Variants in TGS1 observed in about 807,000 individuals in gnomAD.
The protein encoded by TGS1 is trimethylguanosine synthase 1.
A neutral mutation model predicts 92.2 loss-of-function variants in TGS1; 69 were observed. The ratio of observed to expected loss-of-function variants is 0.75; its 90% CI spans 0.62 to 0.91. The LOEUF is 0.91. TGS1 is among the 40% of genes least tolerant of loss of function. The probability of loss-of-function intolerance (pLI) is 0.00; values close to 1 mark genes in which losing one functional copy is unlikely to be tolerated. For missense variants in TGS1, 1,062 were observed against 1,001.2 expected, an observed-to-expected ratio of 1.06 and a Z score of -0.82; for synonymous variants, 345 against 338.1, an observed-to-expected ratio of 1.02 and a Z score of -0.22.
chr8:55,795,949 T>C, intron 6 of TGS1, 29 bp from the exon 7 acceptor site: 1 of 1,555,870 alleles, frequency 6.4e-7, no homozygotes, highest in Non-Finnish European at 8.8e-7. Context: ...GAATTTAAGT[T>C]GTGAATAACT....
chr8:55,780,222 T>C (rs1585753920), intron 1 of TGS1, among the ~76,000 whole-genome samples: 1 of 148,186 alleles, frequency 6.7e-6, no homozygotes, highest in Non-Finnish European at 1.5e-5. Context: ...GAGGCTGGAG[T>C]GCAGTAGTAT....
chr8:55,806,356 CAAAAAAAAA>C (rs1047234489), intron 10 of TGS1, among the ~76,000 whole-genome samples: 1 of 38,994 alleles, frequency 2.6e-5, no homozygotes, highest in African/African-American at 8.7e-5. Flanking sequence ...GACTCCACCT[CAAAAAAAAA>C]AAAAAAAAAA....
intron 4 of TGS1, among the ~76,000 whole-genome samples, chr8:55,788,617 A>G (rs1182004805): frequency 1.3e-5 from 2 of 151,794 alleles, no homozygotes; most frequent in Non-Finnish European, 2.9e-5. Context: ...CACCACATAC[A>G]GTTAATTTTT....
intron 1 of TGS1, among the ~76,000 whole-genome samples, chr8:55,774,239 C>T (rs1423961541): frequency 1.3e-5 from 2 of 151,952 alleles, no homozygotes; most frequent in Non-Finnish European, 2.9e-5. Flanking sequence ...AAAAATTGCC[C>T]CACATGAAAA....
chr8:55,822,480 C>G (rs1054583452), intron 12 of TGS1, among the ~76,000 whole-genome samples: 1 of 151,152 alleles, frequency 6.6e-6, no homozygotes, highest in Non-Finnish European at 1.5e-5. Flanking sequence ...TATCTCAACT[C>G]AAAGAAAAAT....
At position 55,792,711 on chromosome 8, in the gene TGS1, A is replaced by G; in HGVS notation, c.1294A>G (p.Ile432Val). 21 of 1,613,660 alleles carry G rather than the reference A, an allele frequency of 1.3e-5. No individual in the cohort carries two copies. The highest frequency in any genetic ancestry group is 2.2e-5 in the South Asian group (2 of 91,078). ...TTCTTTATTTAGCCATGAACTGGAC[A>G]TTGATGAAAACCCAGCTTCAGACTT... ...SKLKRSHELD[I>V]DENPASDFDD... is the part of the protein sequence containing the mutation. The change falls in exon 6 of 13, where the codon ATT (isoleucine) becomes GTT (valine). Residue 432 changes from isoleucine to valine, a missense_variant. Transcript: ENST00000260129.
At chr8:55,785,078 T>TG (rs1173370900) in intron 2 of TGS1, among the ~76,000 whole-genome samples, 2 of 151,700 alleles carry the variant, frequency 1.3e-5, no homozygotes, top group African/African-American at 2.4e-5. Flanking sequence ...TTTTGTTTTT[T>TG]TTTTGAGACA....
chr8:55,806,172 A>G (rs1005986392), intron 10 of TGS1, among the ~76,000 whole-genome samples: 1 of 151,282 alleles, frequency 6.6e-6, no homozygotes, highest in Admixed American at 6.6e-5. Flanking sequence ...CCTGACCAAC[A>G]TGGAGAGACC....
At chr8:55,799,477 C>G (rs958300006) in intron 8 of TGS1, among the ~76,000 whole-genome samples, 1 of 152,178 alleles carries the variant, frequency 6.6e-6, no homozygotes, top group Admixed American at 6.5e-5. Flanking sequence ...TGTCTGCAGA[C>G]CACTGTCTGC....
Position 55,786,517 on chromosome 8 carries a change from G to A in TGS1, c.619G>A (p.Gly207Arg), listed in dbSNP as rs957258781. The A allele has an allele frequency of 6.2e-7, 1 of 1,614,040 alleles. No individual in the cohort carries two copies. The highest frequency in any genetic ancestry group is 1.3e-5 in the African/African-American group (1 of 74,944). The change falls in exon 4 of 13, where the codon GGA becomes AGA. Residue 207 changes from glycine (G) to arginine (R), a missense_variant. Physicochemically the swap from Gly to Arg is moderately radical, Grantham distance 125. Coordinates refer to ENST00000260129, the MANE Select transcript of TGS1 (RefSeq NM_024831.8). ...KWEKYWNEYG[G>R]GLLWQSWQEK... is the part of the protein sequence containing the mutation. ...GGAAAAGTATTGGAATGAATATGGAGGAGGACTATTGTGGCAAAGTTGGCA... is the reference window on the plus strand; with the variant it reads ...GGAAAAGTATTGGAATGAATATGGAAGAGGACTATTGTGGCAAAGTTGGCA...
At chr8:55,775,518 AAG>A (rs1811371787) in intron 1 of TGS1, among the ~76,000 whole-genome samples, 1 of 152,174 alleles carries the variant, frequency 6.6e-6, no homozygotes, top group African/African-American at 2.4e-5. Context: ...TGGAGAAAGA[AAG>A]AAAGATGGGA....
At chr8:55,815,022 A>G (rs182139928) in intron 12 of TGS1, among the ~76,000 whole-genome samples, 23 of 152,212 alleles carry the variant, frequency 1.5e-4, no homozygotes, top group African/African-American at 5.3e-4. Flanking sequence ...TATGAATATT[A>G]TGCTCTACAT....
chr8:55,810,644 T>G (rs1341418704), intron 10 of TGS1, among the ~76,000 whole-genome samples: 1 of 152,232 alleles, frequency 6.6e-6, no homozygotes, highest in Non-Finnish European at 1.5e-5. Context: ...AGCTGTAGAA[T>G]GAGACAAGAA....
chr8:55,822,184 C>T (rs1374148580), intron 12 of TGS1, among the ~76,000 whole-genome samples: 5 of 151,720 alleles, frequency 3.3e-5, no homozygotes, highest in African/African-American at 9.7e-5. Flanking sequence ...ATTCTCCTGC[C>T]TCAGCCTCCC....
intron 12 of TGS1, among the ~76,000 whole-genome samples, chr8:55,815,805 G>T (rs1190786503): frequency 6.6e-6 from 1 of 151,872 alleles, no homozygotes; most frequent in African/African-American, 2.4e-5. Flanking sequence ...TCCAAGACAT[G>T]CATTTCTTGC....
At chr8:55,805,193 T>C (rs1281938656) in intron 10 of TGS1, among the ~76,000 whole-genome samples, 157 bp downstream of exon 10, 1 of 152,208 alleles carries the variant, frequency 6.6e-6, no homozygotes, top group Non-Finnish European at 1.5e-5. Flanking sequence ...AAGCATATAC[T>C]TTGTATTGCA....
intron 10 of TGS1, among the ~76,000 whole-genome samples, chr8:55,806,356 CA>C (rs1047234489): frequency 0.064 from 2,486 of 38,898 alleles, 7 homozygotes; most frequent in African/African-American, 0.093. Context: ...GACTCCACCT[CA>C]AAAAAAAAAA....
chr8:55,782,679 C>A (rs562792496), intron 1 of TGS1, 69 bp from the exon 2 acceptor site: 2 of 1,198,506 alleles, frequency 1.7e-6, no homozygotes, highest in South Asian at 1.4e-5. Context: ...TATGATGGCT[C>A]GAGATTTCTT....
At chr8:55,824,041 G>C (rs1415049546) in intron 12 of TGS1, among the ~76,000 whole-genome samples, 1 of 152,070 alleles carries the variant, frequency 6.6e-6, no homozygotes, top group Non-Finnish European at 1.5e-5. Context: ...GCTTGAACCC[G>C]GGAGGCGGAG....
Sources: allele counts gnomAD v4.1 joint callset (sites outside exome capture counted in the v4.1 genomes callset), GRCh38; gene constraint gnomAD v4.1.1; transcripts MANE v1.5; gene names NCBI Gene and HGNC (gene_info 2026-07-23, HGNC 2026-07-21).